ZEB2: variants seen among roughly 807,000 people sequenced by gnomAD.
The protein encoded by ZEB2 is zinc finger E-box-binding homeobox 2.
A neutral mutation model predicts 99.9 loss-of-function variants in ZEB2; 6 were observed. The ratio of observed to expected loss-of-function variants is 0.06; its 90% CI spans 0.03 to 0.12. The LOEUF (loss-of-function observed/expected upper bound fraction) is 0.12. Among genes scored for constraint, ZEB2 ranks in the 10% least tolerant of loss-of-function variants. ZEB2 has a pLI of 1.00. For missense variants in ZEB2, 969 were observed against 1,502.8 expected (o/e 0.64, Z 5.87); for synonymous variants, 517 against 542.5 (o/e 0.95, Z 0.65).
intron 4 of ZEB2, 118 bp from the exon 5 acceptor site, chr2:144,405,142 T>G: frequency 9.1e-7 from 1 of 1,104,086 alleles, no homozygotes; most frequent in Non-Finnish European, 1.3e-6. Flanking sequence ...AAACCTAGTT[T>G]ATTTGTAAGA....
intron 3 of ZEB2, among the ~76,000 whole-genome samples, chr2:144,425,249 G>A (rs1703676432): frequency 6.6e-6 from 1 of 152,192 alleles, no homozygotes; most frequent in African/African-American, 2.4e-5. Context: ...AACTCTGGAT[G>A]CTTAGTGGCA....
intron 2 of ZEB2, among the ~76,000 whole-genome samples, chr2:144,492,954 T>C (rs1704703732): frequency 6.6e-6 from 1 of 152,246 alleles, no homozygotes; most frequent in African/African-American, 2.4e-5. Flanking sequence ...TCAAGCCATT[T>C]ACACATTTGT....
chr2:144,418,263 T>C (rs1703569836), intron 4 of ZEB2, among the ~76,000 whole-genome samples: 2 of 152,228 alleles, frequency 1.3e-5, no homozygotes, highest in African/African-American at 4.8e-5. Flanking sequence ...TCAAAGCCTC[T>C]CAAAATTGGT....
At chr2:144,436,858 G>C (rs762182375) in intron 2 of ZEB2, among the ~76,000 whole-genome samples, 1 of 152,156 alleles carries the variant, frequency 6.6e-6, no homozygotes, top group East Asian at 1.9e-4. Flanking sequence ...CGAAGAATTT[G>C]TAACAGTAAA....
intron 2 of ZEB2, among the ~76,000 whole-genome samples, chr2:144,485,832 T>C (rs181280194): frequency 2.0e-5 from 3 of 152,236 alleles, no homozygotes; most frequent in African/African-American, 7.2e-5. Flanking sequence ...TTGGCCAGAC[T>C]AGTCTCCAAC....
intron 9 of ZEB2, chr2:144,394,395 T>C (rs1175522963): frequency 6.6e-6 from 1 of 152,198 alleles, no homozygotes; most frequent in Admixed American, 6.5e-5. Context: ...ACACTCACCG[T>C]GTAGTAAATG....
At chr2:144,465,916 G>A (rs563300807) in intron 2 of ZEB2, among the ~76,000 whole-genome samples, 2 of 152,170 alleles carry the variant, frequency 1.3e-5, no homozygotes, top group East Asian at 1.9e-4. Context: ...ATAATTTCTC[G>A]CTCATCCTCT....
intron 2 of ZEB2, among the ~76,000 whole-genome samples, chr2:144,442,228 C>T (rs567223851): frequency 6.6e-6 from 1 of 152,288 alleles, no homozygotes; most frequent in African/African-American, 2.4e-5. Context: ...ATCACAGAAT[C>T]ACTGTACAAA....
chr2:144,415,456 G>A (rs1277603637), intron 4 of ZEB2, among the ~76,000 whole-genome samples: 2 of 152,070 alleles, frequency 1.3e-5, no homozygotes, highest in African/African-American at 2.4e-5. Flanking sequence ...CATATTACTC[G>A]TTATTTTCCT....
chr2:144,452,850 T>C (rs1704073769), intron 2 of ZEB2, among the ~76,000 whole-genome samples: 1 of 152,190 alleles, frequency 6.6e-6, no homozygotes, highest in Admixed American at 6.5e-5. Flanking sequence ...ACAGGGGGGC[T>C]GGCTACACAG....
intron 2 of ZEB2, among the ~76,000 whole-genome samples, chr2:144,508,769 G>A (rs761697756): frequency 4.6e-5 from 7 of 151,910 alleles, no homozygotes; most frequent in Non-Finnish European, 1.0e-4. Context: ...GTCCGAACTG[G>A]CCTCTCATAG....
chr2:144,496,042 C>T (rs1052562952), intron 2 of ZEB2: 3 of 152,234 alleles, frequency 2.0e-5, no homozygotes, highest in African/African-American at 4.8e-5. Flanking sequence ...CAAAGATGTC[C>T]GACCTGAATA....
At chr2:144,447,157 C>T (rs1703996844) in intron 2 of ZEB2, among the ~76,000 whole-genome samples, 2 of 151,998 alleles carry the variant, frequency 1.3e-5, no homozygotes, top group Non-Finnish European at 2.9e-5. Flanking sequence ...TCTTCAGATC[C>T]CAGTTCTGTT....
At chr2:144,475,649 T>C (rs565919048) in intron 2 of ZEB2, among the ~76,000 whole-genome samples, 4 of 152,196 alleles carry the variant, frequency 2.6e-5, no homozygotes, top group East Asian at 1.9e-4. Flanking sequence ...AGAAGTAATG[T>C]ACTACTGATA....
At chr2:144,403,565 G>A (rs946828860) in intron 6 of ZEB2, among the ~76,000 whole-genome samples, 3 of 151,966 alleles carry the variant, frequency 2.0e-5, no homozygotes, top group East Asian at 1.9e-4. Flanking sequence ...TAAGTAAAGC[G>A]AGGTGAAAAA....
chr2:144,466,351 T>C (rs1461003062), intron 2 of ZEB2, among the ~76,000 whole-genome samples: 2 of 152,176 alleles, frequency 1.3e-5, no homozygotes, highest in Non-Finnish European at 2.9e-5. Flanking sequence ...AAAAAGCTAA[T>C]GAGAATCATG....
At chr2:144,490,666 A>G (rs1704664649) in intron 2 of ZEB2, among the ~76,000 whole-genome samples, 1 of 152,206 alleles carries the variant, frequency 6.6e-6, no homozygotes, top group Non-Finnish European at 1.5e-5. Context: ...ATGAAAGTGA[A>G]GTGCTTTCTG....
At chr2:144,450,855 T>C (rs551680219) in intron 2 of ZEB2, among the ~76,000 whole-genome samples, 112 of 152,258 alleles carry the variant, frequency 7.4e-4, no homozygotes, top group African/African-American at 2.6e-3. Flanking sequence ...TTTGTATTCT[T>C]AGTAGAGATG....
rs730881200 is a variant in ZEB2 at position 144,398,480 on chromosome 2, C to A, written c.2707G>T (p.Ala903Ser). The part of the protein sequence containing the change: ...PLYTALPPQS[A>S]FPPATFMPPV... ...GGCATGAAAGTAGCAGGGGGAAATG[C>A]GCTTTGAGGTGGAAGAGCTGTGTAT... The change falls in exon 8 of 10, where the codon GCA becomes TCA. Residue 903 changes from alanine to serine, a missense_variant. Around this residue, in one of 8 missense-constraint regions of ZEB2, gnomAD observed 346 missense variants for 460.0 expected, o/e 0.75. Transcript: ENST00000627532. 1.2e-6 allele frequency: 2 copies of A among 1,613,970 alleles called. No individual in the cohort carries two copies. Among genetic ancestry groups the A allele is most frequent in the Non-Finnish European group, 8.5e-7 (1 of 1,180,004 alleles).
Sources: gnomAD v4.1 joint callset for allele counts (sites outside exome capture counted in the v4.1 genomes callset) on GRCh38, gnomAD v4.1.1 for gene constraint, gnomAD v4.1.1 regional missense constraint, MANE v1.5 for transcripts, NCBI Gene and HGNC (gene_info 2026-07-23, HGNC 2026-07-21) for gene names.